The following UPF1 variants were observed in gnomAD, a reference collection of about 807,000 sequenced individuals.
UPF1 encodes the protein regulator of nonsense transcripts 1.
UPF1 carries 9 observed loss-of-function variants against 129.2 expected under a neutral mutation model. That is an observed-to-expected ratio of 0.07 (90% confidence interval 0.04 to 0.12). The LOEUF (loss-of-function observed/expected upper bound fraction) is 0.12. Among genes scored for constraint, UPF1 ranks in the 10% least tolerant of loss-of-function variants. The probability of loss-of-function intolerance (pLI) is 1.00; values close to 1 mark genes in which losing one functional copy is unlikely to be tolerated. For missense variants in UPF1, 788 were observed against 1,525.3 expected (o/e 0.52, Z 8.05); for synonymous variants, 649 against 644.9 (o/e 1.01, Z -0.10).
At chr19:18,840,109 G>T (rs1457863934) in intron 1 of UPF1, among the ~76,000 whole-genome samples, 1 of 152,166 alleles carries the variant, frequency 6.6e-6, no homozygotes, top group Non-Finnish European at 1.5e-5. Flanking sequence ...AGTGGCGGGG[G>T]TTAGGGGAGG....
intron 1 of UPF1, among the ~76,000 whole-genome samples, chr19:18,834,380 T>C (rs2055461366): frequency 1.3e-5 from 2 of 152,220 alleles, no homozygotes; most frequent in South Asian, 4.1e-4. Context: ...AGCCTTTAGT[T>C]CTGCTTTTGT....
At position 18,850,484 on chromosome 19, in the gene UPF1, A is replaced by G. The variant is rs546901450; in HGVS notation, c.630-204A>G. 6.6e-6 allele frequency among the ~76,000 whole-genome samples: 1 copy of G among 152,376 alleles called. No homozygotes were observed. Among genetic ancestry groups the G allele is most frequent in the East Asian group, 1.9e-4 (1 of 5,190 alleles). On this transcript the variant is annotated intron_variant, in intron 4 of 23. Transcript: ENST00000262803. This position sits in a 1 kb window ranked among gnomAD's most constrained non-coding sequence, Gnocchi z 7.1. ...GTCATAAAAACAATTCTGTAAAAACAAAGTCTGTTCTGAGTTTTAAGAGTT... is the reference window on the plus strand; with the variant it reads ...GTCATAAAAACAATTCTGTAAAAACGAAGTCTGTTCTGAGTTTTAAGAGTT...
At position 18,865,193 on chromosome 19, in the gene UPF1, G is replaced by A. The variant is rs1460649711; in HGVS notation, c.2858-96G>A. 3 of 1,422,876 alleles carry A rather than the reference G, an allele frequency of 2.1e-6. No individual in the cohort carries two copies. The highest frequency in any genetic ancestry group is 2.8e-5 in the African/African-American group (2 of 70,870). The allele number at this position is 1,422,876 out of a possible 1,614,324, so 88.1% of individuals were successfully genotyped here. Reference sequence around the variant, plus strand: ...CAGCCTGGGCAGAGCCAGGACAGATGTGCAGCTCCGGCTGACTGGCTGGTG... The same window carrying A: ...CAGCCTGGGCAGAGCCAGGACAGATATGCAGCTCCGGCTGACTGGCTGGTG... On this transcript the variant is annotated intron_variant, in intron 20 of 23. Coordinates refer to ENST00000262803, the MANE Select transcript of UPF1 (RefSeq NM_002911.4). The surrounding 1 kb of genome is among the most constrained non-coding windows in gnomAD (Gnocchi z 6.1).
In UPF1 at chr19:18,832,856, C is replaced by T. The variant is rs1175599119; in HGVS notation, c.231+416C>T. On this transcript the variant is annotated intron_variant, in intron 1 of 23. Transcript: ENST00000262803. The surrounding 1 kb of genome is among the most constrained non-coding windows in gnomAD (Gnocchi z 5.6). ...ATCAGTCTGGCCTGGAGTAACCTGCCCCCTGACTTATCTGAGTTCTTCCAT... is the reference window on the plus strand; with the variant it reads ...ATCAGTCTGGCCTGGAGTAACCTGCTCCCTGACTTATCTGAGTTCTTCCAT... Among the ~76,000 whole-genome samples the T allele has an allele frequency of 2.0e-5, 3 of 152,194 alleles. No homozygotes were observed. The highest frequency in any genetic ancestry group is 4.4e-5 in the Non-Finnish European group (3 of 68,030).
At chr19:18,845,710 G>A (rs1202758990) in intron 1 of UPF1, among the ~76,000 whole-genome samples, 1 of 152,124 alleles carries the variant, frequency 6.6e-6, no homozygotes, top group Non-Finnish European at 1.5e-5. Context: ...ATCTTCCTAA[G>A]CATCCTGGTT....
intron 14 of UPF1, 98 bp from the exon 15 acceptor site, chr19:18,857,221 GT>G (rs761338479): frequency 1.6e-5 from 24 of 1,476,272 alleles, no homozygotes; most frequent in Middle Eastern, 4.1e-4. Context: ...TGGCCAGGTG[GT>G]GTCCTGTGCA....
Position 18,865,479 on chromosome 19 carries a change from G to T in UPF1, c.3019+29G>T, listed in dbSNP as rs201930024. The T allele has an allele frequency of 1.4e-4, 223 of 1,611,732 alleles. 3 individuals carry two copies. In the East Asian group the frequency reaches 4.9e-3, roughly 36 times the overall value. On this transcript the variant is annotated intron_variant, in intron 21 of 23. Coordinates refer to ENST00000262803, the MANE Select transcript of UPF1 (RefSeq NM_002911.4). This position sits in a 1 kb window ranked among gnomAD's most constrained non-coding sequence, Gnocchi z 6.1. ...AGCATCTGTGGCTGCGGCTGGGTGT[G>T]GCCCTCCTGAGAGCTCTTGAGGGTG...
intron 17 of UPF1, among the ~76,000 whole-genome samples, chr19:18,861,688 G>C (rs1467604186): frequency 1.3e-5 from 2 of 152,134 alleles, no homozygotes; most frequent in African/African-American, 4.8e-5. Flanking sequence ...AATAATAACT[G>C]GGTATGGTGG....
chr19:18,845,953 C>T, intron 1 of UPF1, 27 bp from the exon 2 acceptor site: 1 of 1,612,298 alleles, frequency 6.2e-7, no homozygotes, highest in Non-Finnish European at 8.5e-7. Flanking sequence ...TGCAGCCTCA[C>T]TCAGGTGACA....
chr19:18,860,150 C>T, intron 15 of UPF1, 171 bp from the exon 16 acceptor site: 2 of 692,046 alleles, frequency 2.9e-6, no homozygotes, highest in East Asian at 5.1e-5. Context: ...CAATCCTGGG[C>T]ATCTCTGGCC....
chr19:18,832,008 G>A lies in UPF1; in HGVS notation c.-202G>A, dbSNP rs933190427. ...GCTGGCGGCTTCGAGGGGAGCTGAGGCGCGGAGGGGCTCGGCGGCAGCGGC... is the reference window on the plus strand; with the variant it reads ...GCTGGCGGCTTCGAGGGGAGCTGAGACGCGGAGGGGCTCGGCGGCAGCGGC... On this transcript the variant is annotated 5_prime_UTR_variant, in exon 1 of 24. Coordinates refer to ENST00000262803, the MANE Select transcript of UPF1 (RefSeq NM_002911.4). This position sits in a 1 kb window ranked among gnomAD's most constrained non-coding sequence, Gnocchi z 5.6. 2.9e-6 allele frequency: 1 copy of A among 350,374 alleles called. No individual in the cohort carries two copies. Among genetic ancestry groups the A allele is most frequent in the Non-Finnish European group, 4.9e-6 (1 of 202,596 alleles). 21.7% of individuals were successfully genotyped at this position (350,374 alleles called of 1,614,324 possible).
rs767524418 is a variant in UPF1, at chr19:18,850,954, G to T, written c.810+86G>T. ...GTGTCTTCAGAGACGGCTTGACCCA[G>T]TGAGACCGCTGGAGATTCTCTGAAA... On this transcript the variant is annotated intron_variant, in intron 5 of 23. Coordinates refer to ENST00000262803, the MANE Select transcript of UPF1 (RefSeq NM_002911.4). The surrounding 1 kb of genome is among the most constrained non-coding windows in gnomAD (Gnocchi z 7.1). 8 of 1,411,792 alleles carry T rather than the reference G, an allele frequency of 5.7e-6. No individual in the cohort carries two copies. The highest frequency in any genetic ancestry group is 1.5e-5 in the South Asian group (1 of 66,914). The allele number at this position is 1,411,792 out of a possible 1,614,324, so 87.5% of individuals were successfully genotyped here.
At position 18,865,324 on chromosome 19, in the gene UPF1, C is replaced by G; in HGVS notation, c.2893C>G (p.Gln965Glu). 6.2e-7 allele frequency: 1 copy of G among 1,613,088 alleles called. No homozygotes were observed. The highest frequency in any genetic ancestry group is 8.5e-7 in the Non-Finnish European group (1 of 1,179,270). Residue 965 changes from glutamine to glutamate, a missense_variant, in exon 21 of 24, where the codon CAG becomes GAG. Gln to Glu is a conservative substitution (Grantham distance 29). This residue lies in a region of UPF1 where 218 missense variants were observed against 318.1 expected (regional missense o/e 0.69). Transcript: ENST00000262803. The surrounding 1 kb of genome is among the most constrained non-coding windows in gnomAD (Gnocchi z 6.1). ...PSSMYFQTHD[Q>E]IGMISAGPSH... ...CAGCATGTACTTCCAGACCCATGAC[C>G]AGATTGGCATGATCAGTGCCGGCCC... is the stretch of plus-strand genomic sequence containing the variant.
chr19:18,850,667 C>T lies in UPF1; in HGVS notation c.630-21C>T, dbSNP rs747588561. 9 of 1,540,044 alleles carry T rather than the reference C, an allele frequency of 5.8e-6. No homozygotes were observed. The highest frequency in any genetic ancestry group is 3.9e-5 in the Admixed American group (2 of 51,240). On this transcript the variant is annotated intron_variant, in intron 4 of 23. Coordinates refer to ENST00000262803, the MANE Select transcript of UPF1 (RefSeq NM_002911.4). This position sits in a 1 kb window ranked among gnomAD's most constrained non-coding sequence, Gnocchi z 7.1. ...CTTCAGGGACGGGAGCTGGTCCTCA[C>T]GGCCCCCTCCCGCTCTGCAGGCAGC...
intron 19 of UPF1, 81 bp from the exon 20 acceptor site, chr19:18,864,089 C>T (rs534159352): frequency 2.4e-6 from 3 of 1,276,512 alleles, no homozygotes; most frequent in East Asian, 4.7e-5. Flanking sequence ...GCATACCTGC[C>T]ACCTCCCAGG....
chr19:18,841,902 G>A (rs2145938366), intron 1 of UPF1, among the ~76,000 whole-genome samples: 1 of 152,278 alleles, frequency 6.6e-6, no homozygotes, highest in East Asian at 1.9e-4. Flanking sequence ...CTTTCTCTTT[G>A]GGAAGAACGA....
At chr19:18,863,999 C>T (rs1042680496) in intron 19 of UPF1, among the ~76,000 whole-genome samples, 171 bp from the exon 20 acceptor site, 2 of 152,074 alleles carry the variant, frequency 1.3e-5, no homozygotes, top group Non-Finnish European at 2.9e-5. Context: ...GGAGGGCAGG[C>T]GAGACCCAGA....
In UPF1 at chr19:18,834,996, C is replaced by T. The variant is rs529832740; in HGVS notation, c.231+2556C>T. ...ATTTACCCATATAAAGTGTACAGTT[C>T]GGCGGCTTTTATTTAGTATATTCAG... On this transcript the variant is annotated intron_variant, in intron 1 of 23. Coordinates refer to ENST00000262803, the MANE Select transcript of UPF1 (RefSeq NM_002911.4). Among the ~76,000 whole-genome samples the T allele has an allele frequency of 2.6e-5, 4 of 152,248 alleles. No homozygotes were observed. The South Asian group carries it at 6.2e-4, about 24-fold the overall frequency.
chr19:18,833,022 C>T (rs1368382601), intron 1 of UPF1: 1 of 152,192 alleles, frequency 6.6e-6, no homozygotes, highest in Non-Finnish European at 1.5e-5. Context: ...CGGGAGTATC[C>T]AGGGTGACCT....
Sources: allele counts gnomAD v4.1 joint callset (sites outside exome capture counted in the v4.1 genomes callset), GRCh38; gene constraint gnomAD v4.1.1; regional missense constraint gnomAD v4.1.1; non-coding constraint Gnocchi (gnomAD v3.1); transcripts MANE v1.5; gene names NCBI Gene and HGNC (gene_info 2026-07-23, HGNC 2026-07-21).